Variants in CERCAM observed in about 807,000 individuals in gnomAD.
CERCAM encodes the protein inactive glycosyltransferase 25 family member 3.
CERCAM carries 59 observed loss-of-function variants against 66.0 expected under a neutral mutation model. The observed-to-expected ratio is 0.89, with a 90% CI of 0.73 to 1.11. CERCAM has a LOEUF of 1.11. CERCAM is among the 50% of genes most tolerant of loss of function. The pLI is 0.00. For synonymous variants in CERCAM, 318 were observed against 343.6 expected, an observed-to-expected ratio of 0.93 and a Z score of 0.83; for missense variants, 840 against 828.3, an observed-to-expected ratio of 1.01 and a Z score of -0.17.
chr9:128,435,553 G>T, intron 11 of CERCAM, 100 bp from the exon 12 acceptor site: 1 of 1,329,468 alleles, frequency 7.5e-7, no homozygotes, highest in South Asian at 1.4e-5. Context: ...GGCGGGGAGT[G>T]AGGTGCTTTG....
At position 128,422,890 on chromosome 9, in the gene CERCAM, G is replaced by T; in HGVS notation, c.220G>T (p.Asp74Tyr). Reference protein sequence around the residue: ...ALWCATDHNVDNTTEMLQEWL... With the variant: ...ALWCATDHNVYNTTEMLQEWL... ...CAGGTGTGCCACGGACCACAATGTGGACAACACCACAGAGATGCTGCAGGA... is the reference window on the plus strand; with the variant it reads ...CAGGTGTGCCACGGACCACAATGTGTACAACACCACAGAGATGCTGCAGGA... Residue 74 changes from aspartate (D) to tyrosine (Y), a missense_variant, in exon 2 of 13, where the codon GAC becomes TAC. By Grantham distance (160) the Asp-to-Tyr change is radical (BLOSUM62 -3). Coordinates refer to ENST00000372838, the MANE Select transcript of CERCAM (RefSeq NM_016174.5). The T allele has an allele frequency of 6.2e-7, 1 of 1,614,140 alleles. No homozygotes were observed. The highest frequency in any genetic ancestry group is 8.5e-7 in the Non-Finnish European group (1 of 1,180,016).
Position 128,434,822 on chromosome 9 carries a change from T to C in CERCAM, c.1535+209T>C, listed in dbSNP as rs1456580189. 2.6e-5 allele frequency among the ~76,000 whole-genome samples: 4 copies of C among 151,804 alleles called. No individual in the cohort carries two copies. The highest frequency in any genetic ancestry group is 9.7e-5 in the African/African-American group (4 of 41,310). ...TGTACTTTGCACAGTGCATGCAGGC[T>C]TTTTTTTGAAATGGAGTCTTGCTCT... is the stretch of plus-strand genomic sequence containing the variant. On this transcript the variant is annotated intron_variant, in intron 11 of 12. Transcript: ENST00000372838. This position sits in a 1 kb window ranked among gnomAD's most constrained non-coding sequence, Gnocchi z 4.5.
rs777881050 is a variant in CERCAM, at chr9:128,434,653, C to T, written c.1535+40C>T. 2.7e-5 allele frequency: 43 copies of T among 1,573,242 alleles called. No homozygotes were observed. Among genetic ancestry groups the T allele is most frequent in the East Asian group, 6.8e-5 (3 of 44,416 alleles). On this transcript the variant is annotated intron_variant, in intron 11 of 12. Transcript: ENST00000372838. This position sits in a 1 kb window ranked among gnomAD's most constrained non-coding sequence, Gnocchi z 4.5. Reference sequence around the variant, plus strand: ...GGGGCCGGGCATGGCAGGGCAGAGGCGTCCCCTCCAGGAACTCACCTCAGT... The same window carrying T: ...GGGGCCGGGCATGGCAGGGCAGAGGTGTCCCCTCCAGGAACTCACCTCAGT...
rs1834128397 is a variant in CERCAM, at chr9:128,437,064, C to G, written c.*216C>G. 1 of 152,438 alleles carries G rather than the reference C, an allele frequency of 6.6e-6. No individual in the cohort carries two copies. Among genetic ancestry groups the G allele is most frequent in the Admixed American group, 6.5e-5 (1 of 15,272 alleles). The allele number at this position is 152,438 out of a possible 1,614,324, so 9.4% of individuals were successfully genotyped here. On this transcript the variant is annotated 3_prime_UTR_variant, in exon 13 of 13. Coordinates refer to ENST00000372838, the MANE Select transcript of CERCAM (RefSeq NM_016174.5). ...TCTCACAGCAAAGGAGCAGGACTCCCAGGCCCCTGTACCCTGCCTGGCCTG... is the reference window on the plus strand; with the variant it reads ...TCTCACAGCAAAGGAGCAGGACTCCGAGGCCCCTGTACCCTGCCTGGCCTG...
intron 1 of CERCAM, 143 bp from the exon 2 acceptor site, chr9:128,422,725 C>T: frequency 1.1e-6 from 1 of 917,914 alleles, no homozygotes; most frequent in Non-Finnish European, 1.6e-6. Flanking sequence ...GTGCTGCCTC[C>T]AGCCTCTCTG....
chr9:128,421,514 TG>T, intron 1 of CERCAM: 7 of 988,076 alleles, frequency 7.1e-6, no homozygotes, highest in Non-Finnish European at 7.2e-6. Flanking sequence ...GGGCACAGGT[TG>T]GGGGTGCCAT....
intron 5 of CERCAM, among the ~76,000 whole-genome samples, chr9:128,425,428 G>A (rs1032701376): frequency 1.3e-5 from 2 of 152,120 alleles, no homozygotes; most frequent in Non-Finnish European, 2.9e-5. Flanking sequence ...AAAGTCTTGG[G>A]AAGCTGAGGC....
Position 128,424,501 on chromosome 9 carries a change from T to G in CERCAM, c.653T>G (p.Leu218Arg). 2.5e-6 allele frequency: 4 copies of G among 1,614,052 alleles called. No individual in the cohort carries two copies. The highest frequency in any genetic ancestry group is 3.4e-6 in the Non-Finnish European group (4 of 1,180,008). ...GTCCCCATGGTCCACTCCACCTTCC[T>G]TGCATCCCTGCGGGCTGAAGGGGCA... ...FRVPMVHSTF[L>R]ASLRAEGADQ... Residue 218 changes from leucine (L) to arginine (R), a missense_variant, in exon 5 of 13, where the codon CTT (leucine) becomes CGT (arginine). Coordinates refer to ENST00000372838, the MANE Select transcript of CERCAM (RefSeq NM_016174.5).
chr9:128,425,382 G>C (rs565727654), intron 5 of CERCAM, among the ~76,000 whole-genome samples: 1 of 152,056 alleles, frequency 6.6e-6, no homozygotes, highest in Non-Finnish European at 1.5e-5. Context: ...AAAGAGTTTG[G>C]GTATGGCCAG....
intron 8 of CERCAM, 23 bp from the exon 9 acceptor site, chr9:128,431,148 C>G (rs1457826011): frequency 6.2e-7 from 1 of 1,611,142 alleles, no homozygotes; most frequent in Admixed American, 1.7e-5. Flanking sequence ...CACCCCTCAC[C>G]CCGCCACACC....
chr9:128,435,770 A>G lies in CERCAM; in HGVS notation c.1653A>G (p.Thr551=), dbSNP rs763905868. Residue 551 remains threonine (T), a synonymous_variant, in exon 12 of 13, where the codon ACA becomes ACG. Coordinates refer to ENST00000372838, the MANE Select transcript of CERCAM (RefSeq NM_016174.5). The part of the protein sequence containing the change: ...GDAEWLSDTE[T]SSPWDDDSGR... ...CCGAGTGGCTCAGTGACACGGAGAC[A>G]TCCTCTCCATGGGATGATGACAGCG... 6.2e-7 allele frequency: 1 copy of G among 1,613,216 alleles called. No individual in the cohort carries two copies. The highest frequency in any genetic ancestry group is 1.1e-5 in the South Asian group (1 of 90,950).
intron 9 of CERCAM, among the ~76,000 whole-genome samples, chr9:128,433,443 C>T (rs531177727): frequency 6.6e-6 from 1 of 152,212 alleles, no homozygotes; most frequent in East Asian, 1.9e-4. Context: ...TCCCCGCCCC[C>T]AGAGAGTTGG....
chr9:128,433,883 G>A (rs1052180293), intron 9 of CERCAM, among the ~76,000 whole-genome samples: 1 of 152,206 alleles, frequency 6.6e-6, no homozygotes, highest in Admixed American at 6.5e-5. Flanking sequence ...AATGTAGCAA[G>A]GGCCACGGTT....
Position 128,421,324 on chromosome 9 carries a change from C to T in CERCAM, c.197+250C>T, listed in dbSNP as rs373571587. On this transcript the variant is annotated intron_variant, in intron 1 of 12. Transcript: ENST00000372838. ...CCCTCCTTCTGGTCCCCTACTCCTTCCTCTTGGGGCCTTCCCTGGGTGTAG... is the reference window on the plus strand; with the variant it reads ...CCCTCCTTCTGGTCCCCTACTCCTTTCTCTTGGGGCCTTCCCTGGGTGTAG... 3.2e-5 allele frequency: 39 copies of T among 1,212,494 alleles called. No individual in the cohort carries two copies. In the African/African-American group the frequency reaches 5.8e-4, roughly 18 times the overall value. 75.1% of individuals were successfully genotyped at this position (1,212,494 alleles called of 1,614,324 possible).
At position 128,434,342 on chromosome 9, in the gene CERCAM, C is replaced by A. The variant is rs1295450171; in HGVS notation, c.1332-68C>A. The A allele has an allele frequency of 1.9e-5, 31 of 1,601,648 alleles. No individual in the cohort carries two copies. In the East Asian group the frequency reaches 6.7e-4, roughly 35 times the overall value. On this transcript the variant is annotated intron_variant, in intron 10 of 12. Coordinates refer to ENST00000372838, the MANE Select transcript of CERCAM (RefSeq NM_016174.5). This position sits in a 1 kb window ranked among gnomAD's most constrained non-coding sequence, Gnocchi z 4.5. ...CCCTGAGAGCCTGGCCCTGTAGGAG[C>A]GGGTGTGGGAGGGTCCCATGACACC...
rs1032674499 is a variant in CERCAM at position 128,421,099 on chromosome 9, G to A, written c.197+25G>A. 3.1e-6 allele frequency: 4 copies of A among 1,276,442 alleles called. No individual in the cohort carries two copies. The African/African-American group carries it at 4.6e-5, about 15-fold the overall frequency. The allele number at this position is 1,276,442 out of a possible 1,614,324, so 79.1% of individuals were successfully genotyped here. ...GGTGAGAGACCCGGGCATTGGCACC[G>A]AGTGGGCACCTAACCCCCAGCTTCG... is the stretch of plus-strand genomic sequence containing the variant. On this transcript the variant is annotated intron_variant, in intron 1 of 12. Transcript: ENST00000372838.
intron 6 of CERCAM, 28 bp downstream of exon 6, chr9:128,428,449 C>T (rs1037382411): frequency 3.1e-6 from 5 of 1,612,252 alleles, no homozygotes; most frequent in Non-Finnish European, 4.2e-6. Context: ...GTTCCACCCA[C>T]CTGCTGCCGG....
chr9:128,434,840 C>A lies in CERCAM; in HGVS notation c.1535+227C>A, dbSNP rs1834072021. On this transcript the variant is annotated intron_variant, in intron 11 of 12. Transcript: ENST00000372838. This position sits in a 1 kb window ranked among gnomAD's most constrained non-coding sequence, Gnocchi z 4.5. ...TGCAGGCTTTTTTTTGAAATGGAGT[C>A]TTGCTCTGTTGCCCAGGCTAGAATG... 6.6e-6 allele frequency among the ~76,000 whole-genome samples: 1 copy of A among 152,070 alleles called. No homozygotes were observed. The highest frequency in any genetic ancestry group is 1.5e-5 in the Non-Finnish European group (1 of 67,994).
chr9:128,422,652 G>C, intron 1 of CERCAM: 1 of 549,318 alleles, frequency 1.8e-6, no homozygotes, highest in East Asian at 2.9e-5. Context: ...GTGAAGCCCA[G>C]AGAAAGATGG....
Sources: gnomAD v4.1 joint callset for allele counts (sites outside exome capture counted in the v4.1 genomes callset) on GRCh38, gnomAD v4.1.1 for gene constraint, Gnocchi (gnomAD v3.1) non-coding constraint, MANE v1.5 for transcripts, NCBI Gene and HGNC (gene_info 2026-07-23, HGNC 2026-07-21) for gene names.